Variants in TTLL8 observed in about 807,000 individuals in gnomAD.
The protein encoded by TTLL8 is protein monoglycylase TTLL8.
In TTLL8, 65 loss-of-function variants were observed where a neutral mutation model predicts 77.8. That is an observed-to-expected ratio of 0.84 (90% CI 0.68 to 1.03). The LOEUF is 1.03. Ranked by LOEUF, TTLL8 falls within the 50% of genes least tolerant of loss-of-function variation. TTLL8 has a pLI of 0.00. For missense variants in TTLL8, 910 were observed against 1,004.5 expected (o/e 0.91, Z 1.27); for synonymous variants, 402 against 422.8 (o/e 0.95, Z 0.60).
At chr22:50,057,611 G>GTTGGGGTC (rs1569237329), upstream of TTLL8, among the ~76,000 whole-genome samples, 1 of 35,230 alleles carries the variant, frequency 2.8e-5, no homozygotes, top group Admixed American at 3.3e-4. Context: ...GGTTGAGCGG[G>GTTGGGGTC]AGGTCTGGGT....
At chr22:50,049,152 TC>T in intron 3 of TTLL8, 96 bp downstream of exon 5, 3 of 1,335,502 alleles carry the variant, frequency 2.2e-6, no homozygotes, top group Middle Eastern at 2.9e-4. Flanking sequence ...CGGGCTGCCA[TC>T]CCCCCAGGAC....
exon 12 of TTLL8, chr22:50,030,646 C>T (rs760517763): frequency 2.3e-6 from 3 of 1,283,234 alleles, no homozygotes; most frequent in South Asian, 1.3e-5. Context: ...GGCTGTGCGG[C>T]TCCACCGCTC....
At chr22:50,055,396 G>A (rs2061465597), upstream of TTLL8, 2 of 1,188,706 alleles carry the variant, frequency 1.7e-6, no homozygotes, top group Non-Finnish European at 2.2e-6. Context: ...GCTCATGCCT[G>A]TAATCCCAGC....
upstream of TTLL8, chr22:50,055,447 A>T (rs976707703): frequency 1.8e-6 from 1 of 540,582 alleles, no homozygotes; most frequent in Admixed American, 3.8e-5. Flanking sequence ...TGAGGCCAGG[A>T]GTTCGAGACC....
exon 2 of TTLL8, chr22:50,050,169 T>C: frequency 7.3e-7 from 1 of 1,366,598 alleles, no homozygotes; most frequent in Admixed American, 1.9e-5. Flanking sequence ...AAGTGGAACT[T>C]CTTCTCTACC....
intron 8 of TTLL8, among the ~76,000 whole-genome samples, chr22:50,037,182 T>A (rs2061342745): frequency 6.6e-6 from 1 of 151,548 alleles, no homozygotes; most frequent in African/African-American, 2.4e-5. Flanking sequence ...GCTCCACACG[T>A]TGGCAAATAC....
At chr22:50,030,089 C>T in intron 12 of TTLL8, 11 of 858,152 alleles carry the variant, frequency 1.3e-5, no homozygotes, top group African/African-American at 1.8e-5. Context: ...GTGCTGTTCA[C>T]GGCGCTGTTC....
intron 12 of TTLL8, among the ~76,000 whole-genome samples, chr22:50,026,060 C>G (rs148855464): frequency 2.0e-5 from 3 of 152,166 alleles, no homozygotes; most frequent in African/African-American, 7.2e-5. Flanking sequence ...CACATGTCCC[C>G]GTAAAGGCCA....
upstream of TTLL8, among the ~76,000 whole-genome samples, chr22:50,055,975 G>A (rs962939556): frequency 6.6e-6 from 1 of 152,228 alleles, no homozygotes; most frequent in Non-Finnish European, 1.5e-5. Context: ...TAAAGACCGT[G>A]TTGATAAAAC....
At chr22:50,050,704 C>T (rs1448727074) in intron 1 of TTLL8, among the ~76,000 whole-genome samples, 2 of 152,174 alleles carry the variant, frequency 1.3e-5, no homozygotes, top group Non-Finnish European at 2.9e-5. Flanking sequence ...ATAACATCAA[C>T]CCCTGACCTA....
At chr22:50,050,074 G>A (rs750129884) in intron 2 of TTLL8, 35 bp downstream of exon 4, 10 of 1,361,032 alleles carry the variant, frequency 7.3e-6, no homozygotes, top group Non-Finnish European at 6.9e-6. Flanking sequence ...AGACGCACAC[G>A]CCCTGAGCTG....
At chr22:50,031,511 G>C in intron 11 of TTLL8, 175 bp downstream of exon 12, 1 of 977,564 alleles carries the variant, frequency 1.0e-6, no homozygotes. Context: ...CCATGGGAGA[G>C]CAGGGCAGGC....
chr22:50,030,072 G>A, intron 12 of TTLL8: 1 of 782,176 alleles, frequency 1.3e-6, no homozygotes, highest in Non-Finnish European at 1.6e-6. Context: ...CTCGGCCAGG[G>A]AGCTTGGTGC....
chr22:50,050,168 T>A, exon 2 of TTLL8: 1 of 1,366,686 alleles, frequency 7.3e-7, no homozygotes, highest in Non-Finnish European at 9.8e-7. Context: ...AAAGTGGAAC[T>A]TCTTCTCTAC....
At chr22:50,055,609 C>T (rs2061466559), upstream of TTLL8, among the ~76,000 whole-genome samples, 1 of 149,502 alleles carries the variant, frequency 6.7e-6, no homozygotes, top group South Asian at 2.1e-4. Context: ...GAGCCGAGAT[C>T]GCGCCATTGC....
At chr22:50,058,032 G>T (rs1382871494), upstream of TTLL8, among the ~76,000 whole-genome samples, 1 of 151,744 alleles carries the variant, frequency 6.6e-6, no homozygotes, top group Non-Finnish European at 1.5e-5. This position sits in a 1 kb window ranked among gnomAD's most constrained non-coding sequence, Gnocchi z 4.2. Context: ...GAGGGGGTAG[G>T]CCTGGGTTTC....
Position 50,034,527 on chromosome 22 carries a change from G to A in TTLL8, c.922-65C>T. On this transcript the variant is annotated intron_variant, in intron 8 of 13. Coordinates refer to ENST00000266182, the Ensembl canonical transcript of TTLL8. The surrounding 1 kb of genome is among the most constrained non-coding windows in gnomAD (Gnocchi z 4.1). ...GCCACTACAAAGCAAGATCCAGAAA[G>A]TGCATGAGACTTGGAGGCCTGGGCC... 1.5e-6 allele frequency: 2 copies of A among 1,317,338 alleles called. No individual in the cohort carries two copies. The highest frequency in any genetic ancestry group is 1.2e-5 in the South Asian group (1 of 83,912). The allele number at this position is 1,317,338 out of a possible 1,614,324, so 81.6% of individuals were successfully genotyped here. A position where few individuals can be genotyped will look rare whatever the true frequency, so the allele number is the denominator to read the frequency against.
Position 50,049,339 on chromosome 22 carries a change from G to C in TTLL8, c.191-17C>G, listed in dbSNP as rs371395470. On this transcript the variant is annotated splice_polypyrimidine_tract_variant and intron_variant, in intron 2 of 13. Transcript: ENST00000266182. ...ATGTATCATCTGCCAACAAAACACAGGGGAGGCCTGAACATGAAGCCTCAG... is the reference window on the plus strand; with the variant it reads ...ATGTATCATCTGCCAACAAAACACACGGGAGGCCTGAACATGAAGCCTCAG... 3.7e-6 allele frequency: 5 copies of C among 1,367,210 alleles called. No individual in the cohort carries two copies. Among genetic ancestry groups the C allele is most frequent in the Non-Finnish European group, 4.9e-6 (5 of 1,021,826 alleles). 84.7% of individuals were successfully genotyped at this position (1,367,210 alleles called of 1,614,324 possible).
At chr22:50,027,020 G>C (rs1349054161) in intron 12 of TTLL8, among the ~76,000 whole-genome samples, 1 of 152,036 alleles carries the variant, frequency 6.6e-6, no homozygotes, top group Admixed American at 6.6e-5. Flanking sequence ...GATCACCTGA[G>C]GTCAGGAGTT....
Sources: allele counts gnomAD v4.1 joint callset (sites outside exome capture counted in the v4.1 genomes callset), GRCh38; gene constraint gnomAD v4.1.1; non-coding constraint Gnocchi (gnomAD v3.1); transcripts MANE v1.5; gene names NCBI Gene and HGNC (gene_info 2026-07-23, HGNC 2026-07-21).